The following TTC29 variants were observed in gnomAD, a reference collection of about 807,000 sequenced individuals.
TTC29 encodes tetratricopeptide repeat domain 29.
Under a neutral mutation model 58.1 loss-of-function variants are expected in TTC29, and 49 were observed. That is an observed-to-expected ratio of 0.84 (90% confidence interval 0.67 to 1.07). TTC29 has a LOEUF of 1.07. Among genes scored for constraint, TTC29 ranks in the 50% least tolerant of loss-of-function variants. The pLI, the probability that TTC29 is intolerant of heterozygous loss-of-function variation, is 0.00. For synonymous variants in TTC29, 209 were observed against 196.8 expected (o/e 1.06, Z -0.52); for missense variants, 582 against 555.6 (o/e 1.05, Z -0.48).
intron 11 of TTC29, among the ~76,000 whole-genome samples, chr4:146,753,579 A>T (rs530784734): frequency 6.6e-6 from 1 of 152,366 alleles, no homozygotes; most frequent in African/African-American, 2.4e-5. Flanking sequence ...ATTATAAATC[A>T]TGCTGCTATA....
chr4:146,796,578 T>G lies in TTC29; in HGVS notation c.1330+6879A>C, dbSNP rs183293484. 8.5e-5 allele frequency among the ~76,000 whole-genome samples: 13 copies of G among 152,200 alleles called. No individual in the cohort carries two copies. The East Asian group carries it at 2.5e-3, about 29-fold the overall frequency. On this transcript the variant is annotated intron_variant, in intron 11 of 12. Coordinates refer to ENST00000325106, the MANE Select transcript of TTC29 (RefSeq NM_031956.4). ...TGACTACTGAAAAAAAATTTTAGAT[T>G]TTTTGGGTGGGAGGCATTTTTTAGG...
chr4:146,891,965 T>C (rs942256832), intron 6 of TTC29, among the ~76,000 whole-genome samples: 10 of 152,284 alleles, frequency 6.6e-5, no homozygotes, highest in African/African-American at 1.7e-4. Context: ...AAGTGGATAC[T>C]GTAAGGACTC....
chr4:146,825,304 T>C (rs111440797), intron 9 of TTC29, among the ~76,000 whole-genome samples: 1 of 152,344 alleles, frequency 6.6e-6, no homozygotes, highest in African/African-American at 2.4e-5. Flanking sequence ...ATGTTGTCTC[T>C]TTGCTCTCAT....
chr4:146,732,614 T>C (rs899369848), intron 11 of TTC29, among the ~76,000 whole-genome samples: 4 of 152,080 alleles, frequency 2.6e-5, no homozygotes, highest in Non-Finnish European at 5.9e-5. Context: ...AGGTAAGATA[T>C]GGTGGAAGAC....
intron 11 of TTC29, among the ~76,000 whole-genome samples, chr4:146,736,877 C>A (rs1049117626): frequency 3.3e-5 from 5 of 152,114 alleles, no homozygotes; most frequent in African/African-American, 7.2e-5. Flanking sequence ...AAGCAGGGAG[C>A]CTCTGGGCTC....
chr4:146,776,477 G>C (rs991558730), intron 11 of TTC29, among the ~76,000 whole-genome samples: 29 of 150,846 alleles, frequency 1.9e-4, no homozygotes, highest in African/African-American at 5.1e-4. Flanking sequence ...TGATGCATTT[G>C]GGTGTTTGAT....
chr4:146,796,456 A>ACAC (rs1051648742), intron 11 of TTC29, among the ~76,000 whole-genome samples: 1 of 152,196 alleles, frequency 6.6e-6, no homozygotes, highest in African/African-American at 2.4e-5. Flanking sequence ...GTCCATAGGG[A>ACAC]CACTGAATAA....
chr4:146,826,729 C>A (rs570779327), intron 9 of TTC29, among the ~76,000 whole-genome samples: 3 of 152,182 alleles, frequency 2.0e-5, no homozygotes, highest in Non-Finnish European at 4.4e-5. Context: ...CATTCTCCCC[C>A]TCTCCTCTGG....
intron 11 of TTC29, among the ~76,000 whole-genome samples, chr4:146,767,691 A>G (rs1747430376): frequency 6.6e-6 from 1 of 152,076 alleles, no homozygotes; most frequent in African/African-American, 2.4e-5. Context: ...TCTCAAGGAT[A>G]CATGCATAAT....
At chr4:146,714,632 C>CAT (rs1271801794) in intron 11 of TTC29, among the ~76,000 whole-genome samples, 3 of 151,114 alleles carry the variant, frequency 2.0e-5, no homozygotes, top group African/African-American at 7.3e-5. Context: ...TGTACAATGA[C>CAT]ATACCCACTG....
chr4:146,798,107 G>C (rs1268752497), intron 11 of TTC29, among the ~76,000 whole-genome samples: 1 of 151,720 alleles, frequency 6.6e-6, no homozygotes, highest in Non-Finnish European at 1.5e-5. Context: ...TTTATTCCAT[G>C]ACTCTTTAAG....
chr4:146,877,434 C>G (rs1731340306), intron 6 of TTC29, among the ~76,000 whole-genome samples: 1 of 152,132 alleles, frequency 6.6e-6, no homozygotes, highest in Non-Finnish European at 1.5e-5. Context: ...GTTCATGGCT[C>G]TAATCTATCT....
intron 11 of TTC29, among the ~76,000 whole-genome samples, chr4:146,753,304 C>T (rs1352913963): frequency 6.6e-6 from 1 of 152,180 alleles, no homozygotes; most frequent in African/African-American, 2.4e-5. Flanking sequence ...TGAAAAAATG[C>T]TCATCATCAC....
At chr4:146,925,318 T>G (rs1398651517) in intron 4 of TTC29, among the ~76,000 whole-genome samples, 1 of 152,076 alleles carries the variant, frequency 6.6e-6, no homozygotes, top group African/African-American at 2.4e-5. Context: ...AAATTATGGG[T>G]TTTTCTACTT....
At chr4:146,869,894 T>A (rs1293961567) in intron 7 of TTC29, among the ~76,000 whole-genome samples, 2 of 152,042 alleles carry the variant, frequency 1.3e-5, no homozygotes, top group African/African-American at 2.4e-5. Context: ...AGAATAGGAT[T>A]AAAAACAACC....
At chr4:146,885,031 T>C (rs528932591) in intron 6 of TTC29, among the ~76,000 whole-genome samples, 6 of 152,056 alleles carry the variant, frequency 3.9e-5, no homozygotes, top group East Asian at 3.8e-4. Flanking sequence ...ATCTCATACA[T>C]GAATACAATA....
chr4:146,786,094 T>C (rs1748990878), intron 11 of TTC29, among the ~76,000 whole-genome samples: 1 of 152,186 alleles, frequency 6.6e-6, no homozygotes, highest in African/African-American at 2.4e-5. Context: ...AGAGGCTTGA[T>C]ACTAGTAGTG....
intron 9 of TTC29, among the ~76,000 whole-genome samples, chr4:146,825,881 G>A (rs188695537): frequency 4.0e-4 from 60 of 151,064 alleles, no homozygotes; most frequent in East Asian, 1.4e-3. Context: ...TTTTTGGATC[G>A]TTGTTGGTTT....
intron 8 of TTC29, among the ~76,000 whole-genome samples, chr4:146,854,945 T>C (rs1366500290): frequency 6.6e-6 from 1 of 152,180 alleles, no homozygotes; most frequent in Non-Finnish European, 1.5e-5. Flanking sequence ...ATTAGTTGGT[T>C]TCCTTATCTT....
Sources: gnomAD v4.1 joint callset for allele counts (sites outside exome capture counted in the v4.1 genomes callset) on GRCh38, gnomAD v4.1.1 for gene constraint, MANE v1.5 for transcripts, NCBI Gene and HGNC (gene_info 2026-07-23, HGNC 2026-07-21) for gene names.